The following PTPRT variants were observed in gnomAD, a reference collection of about 807,000 sequenced individuals.
PTPRT encodes receptor-type tyrosine-protein phosphatase T.
A neutral mutation model predicts 176.8 loss-of-function variants in PTPRT; 56 were observed. The ratio of observed to expected loss-of-function variants is 0.32; its 90% CI spans 0.26 to 0.40. The LOEUF is 0.40. PTPRT is among the 10% of genes least tolerant of loss of function. The pLI is 1.00. For missense variants in PTPRT, 1,540 were observed against 1,908.2 expected (o/e 0.81, Z 3.60); for synonymous variants, 783 against 739.0 (o/e 1.06, Z -0.96).
chr20:42,048,558 G>C, the PTPRT span, among the ~76,000 whole-genome samples: 1 of 152,132 alleles, frequency 6.6e-6, no homozygotes, highest in African/African-American at 2.4e-5. Context: ...CACATGGAGA[G>C]TCTGCATGTA....
chr20:42,545,047 G>T (rs2072650608), intron 7 of PTPRT, among the ~76,000 whole-genome samples: 1 of 152,126 alleles, frequency 6.6e-6, no homozygotes, highest in Non-Finnish European at 1.5e-5. Context: ...GGAACATACG[G>T]CCAGACACCA....
chr20:42,586,635 T>C (rs1051676755), intron 7 of PTPRT, among the ~76,000 whole-genome samples: 2 of 152,216 alleles, frequency 1.3e-5, no homozygotes, highest in Admixed American at 1.3e-4. Flanking sequence ...ATTTTATTGG[T>C]ATCTTGTACA....
At chr20:42,291,516 T>G (rs2057316266) in intron 12 of PTPRT, among the ~76,000 whole-genome samples, 2 of 152,156 alleles carry the variant, frequency 1.3e-5, no homozygotes, top group African/African-American at 4.8e-5. Flanking sequence ...TTTAAAAGTT[T>G]AGTACACTAA....
At chr20:43,173,687 C>A (rs748719410) in intron 1 of PTPRT, among the ~76,000 whole-genome samples, 4 of 152,182 alleles carry the variant, frequency 2.6e-5, no homozygotes, top group Non-Finnish European at 5.9e-5. Context: ...GGTGCTGGGT[C>A]CCCAGTGTGA....
At chr20:42,841,536 T>C (rs534454285) in intron 2 of PTPRT, among the ~76,000 whole-genome samples, 1 of 151,522 alleles carries the variant, frequency 6.6e-6, no homozygotes, top group African/African-American at 2.4e-5. Flanking sequence ...ATTCATACCA[T>C]GGGAGACAAA....
At chr20:42,793,498 G>A (rs73098060) in intron 2 of PTPRT, among the ~76,000 whole-genome samples, 45,740 of 151,930 alleles carry the variant, frequency 0.3, 8,364 homozygotes, top group Non-Finnish European at 0.41. Flanking sequence ...CCATATTGCC[G>A]CAAAAGTCAT....
intron 27 of PTPRT, among the ~76,000 whole-genome samples, chr20:42,094,182 GA>G (rs1248534352): frequency 9.2e-5 from 14 of 152,168 alleles, no homozygotes; most frequent in Non-Finnish European, 1.5e-5. Context: ...TGCAGAAAGG[GA>G]TGTTGAAAAA....
the PTPRT span, among the ~76,000 whole-genome samples, chr20:42,049,739 C>G: frequency 2.0e-5 from 3 of 152,182 alleles, no homozygotes; most frequent in Admixed American, 1.3e-4. Context: ...ACCCCCATCT[C>G]ATTGAGTTCT....
chr20:42,085,549 G>T (rs1242540297), intron 28 of PTPRT, among the ~76,000 whole-genome samples, 179 bp downstream of exon 28: 1 of 152,212 alleles, frequency 6.6e-6, no homozygotes, highest in Non-Finnish European at 1.5e-5. Context: ...GCATCTCTAT[G>T]TGTTGGAGTC....
intron 7 of PTPRT, among the ~76,000 whole-genome samples, chr20:42,481,602 C>T (rs1026163813): frequency 4.0e-5 from 6 of 151,812 alleles, no homozygotes; most frequent in African/African-American, 1.2e-4. Flanking sequence ...GGAAAATAGG[C>T]GTGTACTCAT....
At chr20:43,099,215 G>T (rs2012293034) in intron 1 of PTPRT, among the ~76,000 whole-genome samples, 2 of 152,050 alleles carry the variant, frequency 1.3e-5, no homozygotes, top group Admixed American at 6.6e-5. Flanking sequence ...GTTCAGAAAA[G>T]AATAATAATG....
chr20:43,165,341 C>T (rs992535513), intron 1 of PTPRT, among the ~76,000 whole-genome samples: 10 of 151,898 alleles, frequency 6.6e-5, no homozygotes, highest in African/African-American at 2.2e-4. Context: ...TTTTGTATTT[C>T]TAATAGAGAT....
intron 28 of PTPRT, 70 bp from the exon 29 acceptor site, chr20:42,084,915 C>A: frequency 7.9e-7 from 1 of 1,269,942 alleles, no homozygotes; most frequent in Non-Finnish European, 1.0e-6. Context: ...GCAGATACCC[C>A]GGGGACTGCA....
intron 1 of PTPRT, among the ~76,000 whole-genome samples, chr20:43,096,350 T>C (rs73265850): frequency 0.094 from 14,297 of 152,190 alleles, 1,832 homozygotes; most frequent in African/African-American, 0.29. Flanking sequence ...ACCTGTAGGC[T>C]CACAGGCTCC....
At chr20:42,469,622 A>G (rs1029781916) in intron 8 of PTPRT, among the ~76,000 whole-genome samples, 2 of 152,188 alleles carry the variant, frequency 1.3e-5, no homozygotes, top group African/African-American at 4.8e-5. Context: ...TGCTGGAGGA[A>G]GGGGCTACAG....
At chr20:42,285,426 G>A (rs1297803106) in intron 12 of PTPRT, among the ~76,000 whole-genome samples, 1 of 152,048 alleles carries the variant, frequency 6.6e-6, no homozygotes. Context: ...GCAAAGGTTT[G>A]ATGAGGCTAA....
chr20:42,910,662 C>A (rs1267313502), intron 1 of PTPRT, among the ~76,000 whole-genome samples: 1 of 152,124 alleles, frequency 6.6e-6, no homozygotes, highest in Non-Finnish European at 1.5e-5. Flanking sequence ...CTCCACGCAG[C>A]CTTGGTGCCC....
chr20:42,366,195 GGC>G, intron 9 of PTPRT, among the ~76,000 whole-genome samples: 1 of 152,160 alleles, frequency 6.6e-6, no homozygotes, highest in South Asian at 2.1e-4. Context: ...AAGGTCCAGA[GGC>G]CACCCTTGAG....
chr20:42,363,294 A>ATTTT (rs1568812729), intron 9 of PTPRT, among the ~76,000 whole-genome samples: 4 of 24,950 alleles, frequency 1.6e-4, no homozygotes, highest in African/African-American at 7.8e-4. Flanking sequence ...ATATATATAT[A>ATTTT]TATATATTTT....
Sources: gnomAD v4.1 joint callset for allele counts (sites outside exome capture counted in the v4.1 genomes callset) on GRCh38, gnomAD v4.1.1 for gene constraint, MANE v1.5 for transcripts, NCBI Gene and HGNC (gene_info 2026-07-23, HGNC 2026-07-21) for gene names.